Variants in TRAF2 observed in about 807,000 individuals in gnomAD.
TRAF2 encodes TNF receptor associated factor 2, also known as TNF receptor-associated factor 2.
In TRAF2, 6 loss-of-function variants were observed where a neutral mutation model predicts 55.6. The observed-to-expected ratio is 0.11, with a 90% confidence interval of 0.06 to 0.21. TRAF2 has a LOEUF of 0.21. TRAF2 is among the 10% of genes least tolerant of loss of function. The probability of loss-of-function intolerance (pLI) is 1.00; values close to 1 mark genes in which losing one functional copy is unlikely to be tolerated. For missense variants in TRAF2, 561 were observed against 684.5 expected (o/e 0.82, Z 2.01); for synonymous variants, 329 against 276.3 (o/e 1.19, Z -1.89).
Position 136,898,717 on chromosome 9 carries a change from T to G in TRAF2, c.-24T>G. ...GTGCTGTGTGTTCTTCCTTAGGGCT[T>G]TGTTCGCGGGGGTCACAGCTCTCAT... On this transcript the variant is annotated 5_prime_UTR_variant, in exon 2 of 11. Transcript: ENST00000247668. 1 of 1,612,822 alleles carries G rather than the reference T, an allele frequency of 6.2e-7. No individual in the cohort carries two copies. The highest frequency in any genetic ancestry group is 8.5e-7 in the Non-Finnish European group (1 of 1,179,968).
At chr9:136,898,457 T>G in intron 1 of TRAF2, 1 of 352,250 alleles carries the variant, frequency 2.8e-6, no homozygotes. Context: ...TTTGGAGCTG[T>G]GGGTTGGTTG....
chr9:136,900,738 G>A, intron 4 of TRAF2: 1 of 573,648 alleles, frequency 1.7e-6, no homozygotes. Flanking sequence ...AGCTTGGGCT[G>A]TGTGACCTCG....
chr9:136,924,984 A>C (rs558782791), intron 10 of TRAF2, among the ~76,000 whole-genome samples: 3 of 152,122 alleles, frequency 2.0e-5, no homozygotes, highest in Non-Finnish European at 4.4e-5. Context: ...TGATCCGCCC[A>C]CCTTGGCCTC....
chr9:136,898,774 C>T lies in TRAF2; in HGVS notation c.34C>T (p.Leu12=), dbSNP rs750727813. The change falls in exon 2 of 11, where the codon CTG becomes TTG. Residue 12 remains leucine (L), a synonymous_variant. Coordinates refer to ENST00000247668, the MANE Select transcript of TRAF2 (RefSeq NM_021138.4). Reference sequence around the variant, plus strand: ...AGCTAGCGTGACCCCCCCTGGCTCCCTGGAGTTGCTACAGCCCGGCTTCTC... The same window carrying T: ...AGCTAGCGTGACCCCCCCTGGCTCCTTGGAGTTGCTACAGCCCGGCTTCTC... ...AAASVTPPGS[L]ELLQPGFSKT... The T allele has an allele frequency of 1.1e-5, 18 of 1,613,624 alleles. No homozygotes were observed. Among genetic ancestry groups the T allele is most frequent in the Non-Finnish European group, 3.4e-6 (4 of 1,180,038 alleles).
chr9:136,925,064 T>C (rs1850496071), intron 10 of TRAF2, among the ~76,000 whole-genome samples: 1 of 152,196 alleles, frequency 6.6e-6, no homozygotes, highest in African/African-American at 2.4e-5. Flanking sequence ...TCTATTATTT[T>C]GTGGAATTGA....
intron 6 of TRAF2, among the ~76,000 whole-genome samples, chr9:136,912,115 G>GTGCT (rs1028358423): frequency 1.4e-5 from 2 of 146,044 alleles, no homozygotes; most frequent in Non-Finnish European, 3.0e-5. Context: ...GGCTCCCAAA[G>GTGCT]TGCTGGGATT....
chr9:136,898,605 T>C, intron 1 of TRAF2, 108 bp from the exon 2 acceptor site: 2 of 1,500,326 alleles, frequency 1.3e-6, no homozygotes, highest in South Asian at 1.3e-5. Context: ...CGCAGGTCAG[T>C]GGGGACCCGG....
intron 9 of TRAF2, among the ~76,000 whole-genome samples, chr9:136,923,626 A>C (rs1850449777): frequency 6.6e-6 from 1 of 151,838 alleles, no homozygotes; most frequent in African/African-American, 2.4e-5. Context: ...AAAAAAAAAA[A>C]AAAAAAAAAC....
At chr9:136,909,703 C>A (rs1391276302) in intron 5 of TRAF2, among the ~76,000 whole-genome samples, 4 of 152,242 alleles carry the variant, frequency 2.6e-5, no homozygotes, top group African/African-American at 9.6e-5. Flanking sequence ...CTCGCATTGC[C>A]CTGAGCTGGC....
At chr9:136,923,715 A>AG in intron 9 of TRAF2, 137 bp from the exon 10 acceptor site, 1 of 704,188 alleles carries the variant, frequency 1.4e-6, no homozygotes, top group Non-Finnish European at 2.0e-6. Context: ...AGGGAAAAAA[A>AG]ACTTTTCTTT....
At chr9:136,908,308 C>G (rs892239774) in intron 5 of TRAF2, 77 bp downstream of exon 5, 6 of 1,420,588 alleles carry the variant, frequency 4.2e-6, no homozygotes, top group Non-Finnish European at 5.6e-6. Context: ...CTGGCCACTG[C>G]GGCTGCGTCG....
chr9:136,891,940 G>A (rs574433540), intron 1 of TRAF2, among the ~76,000 whole-genome samples: 2 of 149,832 alleles, frequency 1.3e-5, no homozygotes, highest in East Asian at 4.1e-4. Flanking sequence ...AGCTGGTCTC[G>A]ATCACCACCT....
chr9:136,925,474 C>T (rs890987574), intron 10 of TRAF2, among the ~76,000 whole-genome samples: 8 of 152,052 alleles, frequency 5.3e-5, no homozygotes, highest in Middle Eastern at 3.4e-3. Flanking sequence ...CAGAGAGAAG[C>T]GGAATGCCGG....
intron 1 of TRAF2, among the ~76,000 whole-genome samples, chr9:136,887,451 C>T (rs1849479375): frequency 6.6e-6 from 1 of 152,100 alleles, no homozygotes; most frequent in South Asian, 2.1e-4. Context: ...TTTTGAGGCC[C>T]CGAGGGCTGA....
intron 1 of TRAF2, among the ~76,000 whole-genome samples, chr9:136,897,395 C>T (rs778093609): frequency 2.6e-5 from 4 of 152,194 alleles, no homozygotes; most frequent in African/African-American, 7.2e-5. Flanking sequence ...AGCAAGGTGC[C>T]AGGGCAGGGC....
intron 6 of TRAF2, 70 bp downstream of exon 6, chr9:136,910,064 G>A (rs929512585): frequency 6.7e-7 from 1 of 1,488,442 alleles, no homozygotes. Context: ...GGTCCCGTGG[G>A]TGGGGGTGGG....
At chr9:136,888,757 G>T (rs1350730432) in intron 1 of TRAF2, among the ~76,000 whole-genome samples, 1 of 152,184 alleles carries the variant, frequency 6.6e-6, no homozygotes, top group Non-Finnish European at 1.5e-5. Flanking sequence ...AGGATGCCAG[G>T]TCTCAGCTGC....
chr9:136,911,935 C>T (rs112752812), intron 6 of TRAF2, among the ~76,000 whole-genome samples: 3,641 of 140,612 alleles, frequency 0.026, 85 homozygotes, highest in Non-Finnish European at 0.029. Context: ...CTGCAAGCTC[C>T]GCCTCCTGGG....
chr9:136,917,111 C>A (rs1488596849), intron 7 of TRAF2, among the ~76,000 whole-genome samples: 2 of 152,220 alleles, frequency 1.3e-5, no homozygotes, highest in Non-Finnish European at 2.9e-5. Flanking sequence ...ATGGTCCCCC[C>A]AGCCGTCACT....
Sources: allele counts gnomAD v4.1 joint callset (sites outside exome capture counted in the v4.1 genomes callset), GRCh38; gene constraint gnomAD v4.1.1; transcripts MANE v1.5; gene names NCBI Gene and HGNC (gene_info 2026-07-23, HGNC 2026-07-21).